Variants in ZNF562 observed in about 807,000 individuals in gnomAD.
The protein encoded by ZNF562 is zinc finger protein 562.
Under a neutral mutation model 17.5 loss-of-function variants are expected in ZNF562, and 13 were observed. The observed-to-expected ratio is 0.74, with a 90% CI of 0.48 to 1.18. ZNF562 has a LOEUF of 1.18. Among genes scored for constraint, ZNF562 ranks in the 50% most tolerant of loss-of-function variants. The probability of loss-of-function intolerance (pLI) is 0.00; values close to 1 mark genes in which losing one functional copy is unlikely to be tolerated. For synonymous variants in ZNF562, 163 were observed against 165.4 expected (o/e 0.99, Z 0.11); for missense variants, 481 against 498.5 (o/e 0.96, Z 0.33).
At chr19:9,656,176 G>A (rs2043476469) in intron 5 of ZNF562, among the ~76,000 whole-genome samples, 1 of 152,144 alleles carries the variant, frequency 6.6e-6, no homozygotes, top group Admixed American at 6.6e-5. Context: ...TGATTTTTTA[G>A]AATGGAATTC....
rs767739415 is a variant in ZNF562 at position 9,653,875 on chromosome 19, T to G, written c.355A>C (p.Arg119=). 1.3e-5 allele frequency: 21 copies of G among 1,567,602 alleles called. No homozygotes were observed. The Admixed American group carries it at 2.7e-4, about 20-fold the overall frequency. The change falls in exon 6 of 6, where the codon AGA becomes CGA. Residue 119 remains arginine (R), a synonymous_variant. Transcript: ENST00000453372. The part of the protein sequence containing the change: ...QIFTGIQMQT[R]SYSGWKLCEN... ...CAGAGTTTCCATCCACTGTAGCTTC[T>G]TGTCTGCTGATGAGGGGATAAAGGA...
intron 1 of ZNF562, among the ~76,000 whole-genome samples, chr19:9,668,918 T>A (rs1407652536): frequency 6.6e-6 from 1 of 151,842 alleles, no homozygotes; most frequent in Non-Finnish European, 1.5e-5. Context: ...GATAACCATA[T>A]GCAGAATAAA....
Position 9,650,324 on chromosome 19 carries a change from A to G in ZNF562, c.*2625T>C, listed in dbSNP as rs2074849126. 6.6e-6 allele frequency: 1 copy of G among 151,970 alleles called. No homozygotes were observed. The highest frequency in any genetic ancestry group is 1.5e-5 in the Non-Finnish European group (1 of 68,016). The allele number at this position is 151,970 out of a possible 1,614,324, so 9.4% of individuals were successfully genotyped here. A position where few individuals can be genotyped will look rare whatever the true frequency, so the allele number is the denominator to read the frequency against. ...TTCCACATAGAGAATCAGATAATCT[A>G]TAAATAATGACTCTTACTGTTCCAC... is the stretch of plus-strand genomic sequence containing the variant. On this transcript the variant is annotated 3_prime_UTR_variant, in exon 6 of 6. Transcript: ENST00000453372.
rs1043652456 is a variant in ZNF562, at chr19:9,648,906, G to A, written c.*4043C>T. Reference sequence around the variant, plus strand: ...TGAAGGAAGCATTTAATAAATTCAAGAGGAATTCAGCCTCATAAACTATGA... The same window carrying A: ...TGAAGGAAGCATTTAATAAATTCAAAAGGAATTCAGCCTCATAAACTATGA... On this transcript the variant is annotated 3_prime_UTR_variant, in exon 6 of 6. Coordinates refer to ENST00000453372, the MANE Select transcript of ZNF562 (RefSeq NM_001130031.2). 5 of 152,118 alleles carry A rather than the reference G, an allele frequency of 3.3e-5. No individual in the cohort carries two copies. The highest frequency in any genetic ancestry group is 9.7e-5 in the African/African-American group (4 of 41,424). 9.4% of individuals were successfully genotyped at this position (152,118 alleles called of 1,614,324 possible).
chr19:9,663,367 G>A (rs113587851), intron 1 of ZNF562, among the ~76,000 whole-genome samples: 15,667 of 147,494 alleles, frequency 0.11, 1,195 homozygotes, highest in African/African-American at 0.2. Context: ...GTGAGATTGC[G>A]CCACTGCACT....
At chr19:9,654,608 C>T (rs545963693) in intron 5 of ZNF562, among the ~76,000 whole-genome samples, 27 of 152,126 alleles carry the variant, frequency 1.8e-4, no homozygotes, top group South Asian at 4.2e-4. Context: ...GCAACCAGAC[C>T]CAGCTAATTT....
At chr19:9,663,520 A>T (rs911226642) in intron 1 of ZNF562, among the ~76,000 whole-genome samples, 14 of 152,054 alleles carry the variant, frequency 9.2e-5, no homozygotes, top group Admixed American at 2.0e-4. Flanking sequence ...ATAGTCTTCA[A>T]GGGTCCTGAC....
chr19:9,646,246 T>C lies in ZNF562; in HGVS notation c.*6703A>G, dbSNP rs2074805657. ...ACCACTAGGCACAGCTAATTTTGTA[T>C]TTTTAGTAGAGATGGGGTTTCTCAG... On this transcript the variant is annotated 3_prime_UTR_variant, in exon 6 of 6. Coordinates refer to ENST00000453372, the MANE Select transcript of ZNF562 (RefSeq NM_001130031.2). 1.3e-5 allele frequency: 2 copies of C among 152,046 alleles called. No homozygotes were observed. Among genetic ancestry groups the C allele is most frequent in the African/African-American group, 4.8e-5 (2 of 41,458 alleles). The allele number at this position is 152,046 out of a possible 1,614,324, so 9.4% of individuals were successfully genotyped here. A position where few individuals can be genotyped will look rare whatever the true frequency, so the allele number is the denominator to read the frequency against.
In ZNF562 at chr19:9,646,562, A is replaced by G. The variant is rs1161786953; in HGVS notation, c.*6387T>C. The G allele has an allele frequency of 3.3e-5, 5 of 152,188 alleles. No individual in the cohort carries two copies. The highest frequency in any genetic ancestry group is 2.6e-4 in the Admixed American group (4 of 15,256). The allele number at this position is 152,188 out of a possible 1,614,324, so 9.4% of individuals were successfully genotyped here. On this transcript the variant is annotated 3_prime_UTR_variant, in exon 6 of 6. Transcript: ENST00000453372. ...TCAAGCGAAATATCTGAAAGAATTC[A>G]TAAACCTGGGTACTCTCTACCAAGA...
rs757462777 is a variant in ZNF562, at chr19:9,656,703, T to C, written c.242-50A>G. 4 of 1,572,398 alleles carry C rather than the reference T, an allele frequency of 2.5e-6. No individual in the cohort carries two copies. The South Asian group carries it at 3.3e-5, about 13-fold the overall frequency. ...TTAGTTTAAAATTAGTCATTTGTCC[T>C]TGTTTTCAAATTAAACACAGTATGA... On this transcript the variant is annotated intron_variant, in intron 4 of 5. Coordinates refer to ENST00000453372, the MANE Select transcript of ZNF562 (RefSeq NM_001130031.2).
chr19:9,673,306 G>A (rs994881722), intron 1 of ZNF562, among the ~76,000 whole-genome samples: 26 of 152,062 alleles, frequency 1.7e-4, no homozygotes, highest in African/African-American at 9.7e-5. Flanking sequence ...GTGTACTCTC[G>A]CCATCACTCC....
In ZNF562 at chr19:9,646,219, G is replaced by C. The variant is rs2074805459; in HGVS notation, c.*6730C>G. ...CCCAAGTAGCTGGCATTACAGGCAT[G>C]CACCACTAGGCACAGCTAATTTTGT... On this transcript the variant is annotated 3_prime_UTR_variant, in exon 6 of 6. Coordinates refer to ENST00000453372, the MANE Select transcript of ZNF562 (RefSeq NM_001130031.2). The C allele has an allele frequency of 1.3e-5, 2 of 151,750 alleles. No individual in the cohort carries two copies. The highest frequency in any genetic ancestry group is 4.8e-5 in the African/African-American group (2 of 41,286). 9.4% of individuals were successfully genotyped at this position (151,750 alleles called of 1,614,324 possible). A position where few individuals can be genotyped will look rare whatever the true frequency, so the allele number is the denominator to read the frequency against.
chr19:9,662,267 A>C (rs2043780450), intron 1 of ZNF562, among the ~76,000 whole-genome samples: 1 of 152,130 alleles, frequency 6.6e-6, no homozygotes. Flanking sequence ...ATGATGAAAA[A>C]CAGAATTTAA....
rs756219691 is a variant in ZNF562, at chr19:9,653,521, A to G, written c.709T>C (p.Cys237Arg). Residue 237 changes from cysteine to arginine, a missense_variant, in exon 6 of 6, where the codon TGT becomes CGT. By Grantham distance (180) the Cys-to-Arg change is radical. This residue lies in a region of ZNF562 where 403 missense variants were observed against 386.4 expected (regional missense o/e 1.04). Transcript: ENST00000453372. ...GAGGAAGTTGTGATGGCTCTCTCAC[A>G]TTCCTGAAATTCACAGAGTTTCTCT... ...IGEKLCEFQE[C>R]ERAITTSSHL... is the part of the protein sequence containing the mutation. 2 of 1,614,108 alleles carry G rather than the reference A, an allele frequency of 1.2e-6. No homozygotes were observed. The highest frequency in any genetic ancestry group is 4.5e-5 in the East Asian group (2 of 44,888).
intron 4 of ZNF562, 81 bp from the exon 5 acceptor site, chr19:9,656,734 A>G: frequency 6.9e-7 from 1 of 1,453,410 alleles, no homozygotes; most frequent in African/African-American, 1.4e-5. Flanking sequence ...TATGAAAATA[A>G]AAGCCACAGG....
rs1599259173 is a variant in ZNF562 at position 9,649,902 on chromosome 19, G to C, written c.*3047C>G. 6.6e-6 allele frequency: 1 copy of C among 152,052 alleles called. No individual in the cohort carries two copies. Among genetic ancestry groups the C allele is most frequent in the Non-Finnish European group, 1.5e-5 (1 of 68,024 alleles). 9.4% of individuals were successfully genotyped at this position (152,052 alleles called of 1,614,324 possible). The stretch of plus-strand genomic sequence containing the variant: ...CTTGCTGGTTTTTGCGGCTTGTGGG[G>C]CATCACGGAACCTACCGACATGTGA... On this transcript the variant is annotated 3_prime_UTR_variant, in exon 6 of 6. Coordinates refer to ENST00000453372, the MANE Select transcript of ZNF562 (RefSeq NM_001130031.2).
At chr19:9,662,008 C>T (rs377015011) in intron 1 of ZNF562, among the ~76,000 whole-genome samples, 1 of 152,022 alleles carries the variant, frequency 6.6e-6, no homozygotes, top group Non-Finnish European at 1.5e-5. Flanking sequence ...ACAATCCTCC[C>T]ACCTTGGCCT....
chr19:9,659,065 T>C (rs548507735), intron 3 of ZNF562, among the ~76,000 whole-genome samples: 15 of 152,306 alleles, frequency 9.8e-5, no homozygotes, highest in African/African-American at 3.6e-4. Flanking sequence ...GATGAGTGAA[T>C]TAATTATTTG....
chr19:9,673,318 T>C (rs755052523), intron 1 of ZNF562, among the ~76,000 whole-genome samples: 1 of 152,140 alleles, frequency 6.6e-6, no homozygotes, highest in Non-Finnish European at 1.5e-5. Flanking sequence ...CATCACTCCA[T>C]CCACGAGACT....
Sources: allele counts gnomAD v4.1 joint callset (sites outside exome capture counted in the v4.1 genomes callset), GRCh38; gene constraint gnomAD v4.1.1; regional missense constraint gnomAD v4.1.1; transcripts MANE v1.5; gene names NCBI Gene and HGNC (gene_info 2026-07-23, HGNC 2026-07-21).